Variants in C14orf132 observed in about 807,000 individuals in gnomAD.
C14orf132 encodes uncharacterized protein C14orf132.
C14orf132 carries 6 observed loss-of-function variants against 5.8 expected under a neutral mutation model. The ratio of observed to expected loss-of-function variants is 1.03; its 90% CI spans 0.57 to 2.04. The LOEUF is 2.04. C14orf132 is among the 30% of genes most tolerant of loss of function. The pLI, the probability that C14orf132 is intolerant of heterozygous loss-of-function variation, is 0.00. For synonymous variants in C14orf132, 51 were observed against 49.8 expected, an observed-to-expected ratio of 1.02 and a Z score of -0.10; for missense variants, 125 against 115.8, an observed-to-expected ratio of 1.08 and a Z score of -0.37.
rs566401727 is a variant in C14orf132, at chr14:96,091,762, T to C, written c.*5027T>C. On this transcript the variant is annotated 3_prime_UTR_variant, in exon 2 of 2. Transcript: ENST00000555004. The stretch of plus-strand genomic sequence containing the variant: ...GGCCCACTCCACAGGCCCCTGACCA[T>C]GGTCACTCACGGAGAGGGATGGAGG... 2 of 124,638 alleles carry C rather than the reference T, an allele frequency of 1.6e-5. No individual in the cohort carries two copies. Among genetic ancestry groups the C allele is most frequent in the Non-Finnish European group, 3.2e-5 (2 of 62,018 alleles). 7.7% of individuals were successfully genotyped at this position (124,638 alleles called of 1,614,324 possible).
chr14:96,041,682 T>A (rs772716828), intron 1 of C14orf132, among the ~76,000 whole-genome samples: 3 of 152,158 alleles, frequency 2.0e-5, no homozygotes, highest in Non-Finnish European at 4.4e-5. Context: ...GGCCACCAGG[T>A]GTGTGTGACA....
intron 1 of C14orf132, among the ~76,000 whole-genome samples, chr14:96,041,830 C>A (rs1464606042): frequency 6.6e-6 from 1 of 152,186 alleles, no homozygotes; most frequent in African/African-American, 2.4e-5. Flanking sequence ...GGACAGGGAT[C>A]CTGTGGGACA....
chr14:96,059,957 C>G lies in C14orf132; in HGVS notation c.27+20430C>G, dbSNP rs571304172. Among the ~76,000 whole-genome samples the G allele has an allele frequency of 2.0e-5, 3 of 152,328 alleles. No individual in the cohort carries two copies. In the East Asian group the frequency reaches 5.8e-4, roughly 29 times the overall value. ...GAAATGCATCTTCTTGGTGCCCACA[C>G]CAGTCAGGCTGAGACACATGCAGCT... On this transcript the variant is annotated intron_variant, in intron 1 of 1. Coordinates refer to ENST00000555004, the MANE Select transcript of C14orf132 (RefSeq NM_001252507.3).
intron 1 of C14orf132, among the ~76,000 whole-genome samples, chr14:96,059,425 C>T (rs1887278819): frequency 6.6e-6 from 1 of 152,202 alleles, no homozygotes; most frequent in Non-Finnish European, 1.5e-5. Context: ...AAGGGCCAGG[C>T]ACTGCTCTCA....
intron 1 of C14orf132, among the ~76,000 whole-genome samples, chr14:96,059,498 G>A (rs776706524): frequency 3.3e-5 from 5 of 152,218 alleles, no homozygotes; most frequent in Admixed American, 6.5e-5. Context: ...ATGTCACCAA[G>A]CCACACAGGG....
intron 1 of C14orf132, among the ~76,000 whole-genome samples, chr14:96,069,195 G>GTATATATATA (rs1887628006): frequency 2.0e-5 from 1 of 49,272 alleles, no homozygotes; most frequent in African/African-American, 5.9e-5. Context: ...ATATATATAT[G>GTATATATATA]TATATATGTT....
intron 1 of C14orf132, among the ~76,000 whole-genome samples, chr14:96,063,407 C>T (rs1186502868): frequency 6.6e-6 from 1 of 152,118 alleles, no homozygotes; most frequent in Non-Finnish European, 1.5e-5. Flanking sequence ...CTCCTGGTTT[C>T]AAGTGATTCT....
In C14orf132 at chr14:96,086,538, G is replaced by C; in HGVS notation, c.55G>C (p.Asp19His). The C allele has an allele frequency of 6.5e-7, 1 of 1,536,084 alleles. No individual in the cohort carries two copies. The highest frequency in any genetic ancestry group is 8.7e-7 in the Non-Finnish European group (1 of 1,146,900). The part of the protein sequence containing the change: ...QLPMMGGAFM[D>H]SPNEDFSTEY... Reference sequence around the variant, plus strand: ...GCCCATGATGGGGGGAGCTTTCATGGACTCGCCCAACGAGGACTTCAGCAC... The same window carrying C: ...GCCCATGATGGGGGGAGCTTTCATGCACTCGCCCAACGAGGACTTCAGCAC... The change falls in exon 2 of 2, where the codon GAC becomes CAC. Residue 19 changes from aspartate (D) to histidine (H), a missense_variant. Physicochemically the swap from Asp to His is moderately conservative, Grantham distance 81 (BLOSUM62 -1). Coordinates refer to ENST00000555004, the MANE Select transcript of C14orf132 (RefSeq NM_001252507.3).
In C14orf132 at chr14:96,086,543, G is replaced by A. The variant is rs774469626; in HGVS notation, c.60G>A (p.Ser20=). The A allele has an allele frequency of 6.0e-5, 92 of 1,535,976 alleles. No individual in the cohort carries two copies. The highest frequency in any genetic ancestry group is 4.5e-4 in the South Asian group (38 of 84,032). The part of the protein sequence containing the change: ...LPMMGGAFMD[S]PNEDFSTEYS... ...TGATGGGGGGAGCTTTCATGGACTCGCCCAACGAGGACTTCAGCACCGAGT... is the reference window on the plus strand; with the variant it reads ...TGATGGGGGGAGCTTTCATGGACTCACCCAACGAGGACTTCAGCACCGAGT... Residue 20 remains serine (S), a synonymous_variant, in exon 2 of 2, where the codon TCG becomes TCA. Transcript: ENST00000555004.
chr14:96,081,055 C>G (rs892667818), intron 1 of C14orf132, among the ~76,000 whole-genome samples: 1 of 152,204 alleles, frequency 6.6e-6, no homozygotes, highest in South Asian at 2.1e-4. Context: ...TTATAAGAAA[C>G]GACTGCAGAT....
intron 1 of C14orf132, among the ~76,000 whole-genome samples, chr14:96,054,898 G>A (rs1446309684): frequency 6.6e-6 from 1 of 152,170 alleles, no homozygotes; most frequent in African/African-American, 2.4e-5. Flanking sequence ...ATCTTGCCTT[G>A]TCTAATGCAA....
chr14:96,072,454 C>A (rs573171436), intron 1 of C14orf132, among the ~76,000 whole-genome samples: 2 of 152,330 alleles, frequency 1.3e-5, no homozygotes, highest in South Asian at 4.1e-4. Context: ...CAGTGCCTGG[C>A]TCAGAGCAAA....
At chr14:96,071,722 C>G (rs887087374) in intron 1 of C14orf132, among the ~76,000 whole-genome samples, 3 of 152,168 alleles carry the variant, frequency 2.0e-5, no homozygotes, top group Non-Finnish European at 4.4e-5. Context: ...GAAGCTGGGC[C>G]CCCTTCTGTG....
chr14:96,042,757 C>T (rs927821308), intron 1 of C14orf132, among the ~76,000 whole-genome samples: 3 of 152,250 alleles, frequency 2.0e-5, no homozygotes, highest in Middle Eastern at 3.4e-3. Flanking sequence ...AGAGTGTGCT[C>T]GTGGACCCCA....
chr14:96,081,947 G>A (rs1159771566), intron 1 of C14orf132, among the ~76,000 whole-genome samples: 1 of 152,094 alleles, frequency 6.6e-6, no homozygotes, highest in Non-Finnish European at 1.5e-5. Context: ...ATCTTGATGT[G>A]AATATCTCCT....
intron 1 of C14orf132, among the ~76,000 whole-genome samples, chr14:96,044,860 A>G (rs904181360): frequency 3.3e-5 from 5 of 152,202 alleles, no homozygotes; most frequent in African/African-American, 1.2e-4. Flanking sequence ...TAATGACATT[A>G]TCTTAACTTG....
chr14:96,069,756 C>CT (rs1432245339), intron 1 of C14orf132, among the ~76,000 whole-genome samples: 1 of 152,168 alleles, frequency 6.6e-6, no homozygotes, highest in Non-Finnish European at 1.5e-5. Context: ...CAAAATCCTG[C>CT]TTTTTTGTTA....
At chr14:96,061,470 G>T (rs982003763) in intron 1 of C14orf132, among the ~76,000 whole-genome samples, 4 of 152,158 alleles carry the variant, frequency 2.6e-5, no homozygotes, top group African/African-American at 7.2e-5. Context: ...TGGCTGCCTG[G>T]AGAGCCCACC....
At chr14:96,051,117 T>C (rs1040798864) in intron 1 of C14orf132, 3 of 398,630 alleles carry the variant, frequency 7.5e-6, no homozygotes, top group Admixed American at 4.4e-5. Context: ...ACATACATAC[T>C]CTACAGGTCA....
Sources: allele counts gnomAD v4.1 joint callset (sites outside exome capture counted in the v4.1 genomes callset), GRCh38; gene constraint gnomAD v4.1.1; transcripts MANE v1.5; gene names NCBI Gene and HGNC (gene_info 2026-07-23, HGNC 2026-07-21).